TYRO3: variants seen among roughly 807,000 people sequenced by gnomAD.
TYRO3 encodes the protein tyrosine-protein kinase receptor TYRO3.
In TYRO3, 38 loss-of-function variants were observed where a neutral mutation model predicts 95.2. The ratio of observed to expected loss-of-function variants is 0.40; its 90% CI spans 0.31 to 0.52. The LOEUF (loss-of-function observed/expected upper bound fraction) is 0.52, where lower values mean the gene tolerates loss of function less well. Ranked by LOEUF, TYRO3 falls within the 20% of genes least tolerant of loss-of-function variation. The probability of loss-of-function intolerance (pLI) is 0.56; values close to 1 mark genes in which losing one functional copy is unlikely to be tolerated. For missense variants in TYRO3, 812 were observed against 1,116.4 expected (o/e 0.73, Z 3.89); for synonymous variants, 367 against 432.9 (o/e 0.85, Z 1.89).
chr15:41,575,881 G>C, intron 18 of TYRO3, among the ~76,000 whole-genome samples: 1 of 152,020 alleles, frequency 6.6e-6, no homozygotes, highest in South Asian at 2.1e-4. Flanking sequence ...TTGGGAGGCG[G>C]ATCTCCTGAG....
At position 41,578,211 on chromosome 15, in the gene TYRO3, C is replaced by T; in HGVS notation, c.2608C>T (p.Pro870Ser). Reference sequence around the variant, plus strand: ...GCAGGCAGAGCACCAGCCAGAGAGTCCCCTCAATGAGACACAGAGGCTTTT... The same window carrying T: ...GCAGGCAGAGCACCAGCCAGAGAGTTCCCTCAATGAGACACAGAGGCTTTT... ...PGQAEHQPES[P>S]LNETQRLLLL... The change falls in exon 19 of 19, where the codon CCC (proline) becomes TCC (serine). Residue 870 changes from proline to serine, a missense_variant. Physicochemically the swap from Pro to Ser is moderately conservative, Grantham distance 74. Transcript: ENST00000263798. 6.2e-7 allele frequency: 1 copy of T among 1,613,830 alleles called. No homozygotes were observed. The highest frequency in any genetic ancestry group is 8.5e-7 in the Non-Finnish European group (1 of 1,180,038).
At chr15:41,560,583 A>C (rs1181770438) in intron 1 of TYRO3, among the ~76,000 whole-genome samples, 1 of 151,872 alleles carries the variant, frequency 6.6e-6, no homozygotes, top group Non-Finnish European at 1.5e-5. Flanking sequence ...TTCAGGTATT[A>C]ATAGAGTGGA....
rs949210765 is a variant in TYRO3, at chr15:41,572,009, C to A, written c.1753+322C>A. On this transcript the variant is annotated intron_variant, in intron 14 of 18. Transcript: ENST00000263798. ...CCCACCTCTATTTAAAAAAAAAAAA[C>A]AAAACAAAAAACATACACACACACA... Among the ~76,000 whole-genome samples the A allele has an allele frequency of 1.6e-3, 240 of 146,372 alleles. 1 individual carries two copies. The highest frequency in any genetic ancestry group is 4.4e-3 in the African/African-American group (177 of 40,158).
Position 41,570,998 on chromosome 15 carries a change from A to C in TYRO3, c.1580-40A>C, listed in dbSNP as rs144256416. 1.5e-4 allele frequency: 236 copies of C among 1,593,096 alleles called. No individual in the cohort carries two copies. In the African/African-American group the frequency reaches 2.8e-3, roughly 19 times the overall value. ...TGGGAGGAAGGTTGGCAGGGAGCAG[A>C]GAGCCAAGGAGACTCTCCCTTACTT... On this transcript the variant is annotated intron_variant, in intron 12 of 18. Transcript: ENST00000263798.
chr15:41,564,101 C>A, intron 4 of TYRO3, 83 bp from the exon 5 acceptor site: 1 of 1,301,582 alleles, frequency 7.7e-7, no homozygotes, highest in Non-Finnish European at 1.1e-6. Flanking sequence ...ATGTTCAGAC[C>A]AGAGCCTGAG....
At position 41,573,720 on chromosome 15, in the gene TYRO3, G is replaced by C; in HGVS notation, c.2187G>C (p.Gly729=). The part of the protein sequence containing the change: ...GVTMWEIMTR[G]QTPYAGIENA... Reference sequence around the variant, plus strand: ...CCATGTGGGAGATCATGACACGTGGGCAGACGCCATATGCTGGCATCGAAA... The same window carrying C: ...CCATGTGGGAGATCATGACACGTGGCCAGACGCCATATGCTGGCATCGAAA... The change falls in exon 18 of 19, where the codon GGG becomes GGC. Residue 729 remains glycine, a synonymous_variant. Transcript: ENST00000263798. 6.2e-7 allele frequency: 1 copy of C among 1,614,270 alleles called. No homozygotes were observed. The highest frequency in any genetic ancestry group is 8.5e-7 in the Non-Finnish European group (1 of 1,180,056).
At chr15:41,572,412 A>G (rs200445110) in intron 14 of TYRO3, 31 bp from the exon 15 acceptor site, 23 of 1,446,020 alleles carry the variant, frequency 1.6e-5, no homozygotes, top group Non-Finnish European at 2.1e-5. Flanking sequence ...TGACCCTTCT[A>G]TGCTCAGCTC....
chr15:41,567,628 T>C, intron 7 of TYRO3, 91 bp downstream of exon 7: 1 of 1,228,150 alleles, frequency 8.1e-7, no homozygotes. Context: ...CTGGTAGAGA[T>C]GGAGGTTCAG....
Position 41,561,555 on chromosome 15 carries a change from C to T in TYRO3, c.325C>T (p.Arg109Cys), listed in dbSNP as rs1231685578. Reference protein sequence around the residue: ...IGFLSLKSVERSDAGRYWCQV... With the variant: ...IGFLSLKSVECSDAGRYWCQV... ...TTTCCACAGCCTGAAGTCAGTGGAGCGCTCTGACGCCGGCCGGTACTGGTG... is the reference window on the plus strand; with the variant it reads ...TTTCCACAGCCTGAAGTCAGTGGAGTGCTCTGACGCCGGCCGGTACTGGTG... The change falls in exon 3 of 19, where the codon CGC (arginine) becomes TGC (cysteine). Residue 109 changes from arginine (R) to cysteine (C), a missense_variant. Physicochemically the swap from Arg to Cys is radical, Grantham distance 180 (BLOSUM62 -3). Coordinates refer to ENST00000263798, the MANE Select transcript of TYRO3 (RefSeq NM_006293.4). The T allele has an allele frequency of 7.6e-6, 12 of 1,587,840 alleles. No individual in the cohort carries two copies. The highest frequency in any genetic ancestry group is 4.0e-5 in the African/African-American group (3 of 74,322).
At chr15:41,563,709 T>G (rs1458678124) in intron 4 of TYRO3, among the ~76,000 whole-genome samples, 1 of 152,080 alleles carries the variant, frequency 6.6e-6, no homozygotes, top group Non-Finnish European at 1.5e-5. Context: ...GCTAAAGAAC[T>G]GAGTATAACT....
At chr15:41,573,926 C>T in intron 18 of TYRO3, 111 bp downstream of exon 18, 1 of 1,259,494 alleles carries the variant, frequency 7.9e-7, no homozygotes, top group South Asian at 1.4e-5. Context: ...TAGAAACATC[C>T]TTGTAGTTGG....
In TYRO3 at chr15:41,571,252, C is replaced by G. The variant is rs541201495; in HGVS notation, c.1660+134C>G. 2.0e-3 allele frequency: 1,552 copies of G among 795,098 alleles called. 5 individuals carry two copies. The highest frequency in any genetic ancestry group is 0.012 in the Middle Eastern group (39 of 3,176). 49.3% of individuals were successfully genotyped at this position (795,098 alleles called of 1,614,324 possible). On this transcript the variant is annotated intron_variant, in intron 13 of 18. Transcript: ENST00000263798. Reference sequence around the variant, plus strand: ...GCAGCACTAACTGGGATGCTCTTTACCACACGAATAATTCACAAGCATAAA... The same window carrying G: ...GCAGCACTAACTGGGATGCTCTTTAGCACACGAATAATTCACAAGCATAAA...
At chr15:41,559,999 C>G (rs1266496183) in intron 1 of TYRO3, among the ~76,000 whole-genome samples, 1 of 152,210 alleles carries the variant, frequency 6.6e-6, no homozygotes, top group Non-Finnish European at 1.5e-5. Flanking sequence ...CAAGAGCGTT[C>G]CATGCAGCAC....
intron 9 of TYRO3, 88 bp downstream of exon 9, chr15:41,569,110 T>G: frequency 6.9e-7 from 1 of 1,453,368 alleles, no homozygotes; most frequent in Non-Finnish European, 9.4e-7. Flanking sequence ...CCTAGTAGCA[T>G]CTCCCCTCCT....
chr15:41,574,516 A>G lies in TYRO3; in HGVS notation c.2282+701A>G, dbSNP rs1361406971. The G allele has an allele frequency of 1.9e-5, 7 of 370,224 alleles. No individual in the cohort carries two copies. In the East Asian group the frequency reaches 5.3e-4, roughly 28 times the overall value. 22.9% of individuals were successfully genotyped at this position (370,224 alleles called of 1,614,324 possible). On this transcript the variant is annotated intron_variant, in intron 18 of 18. Transcript: ENST00000263798. ...ATCCCCACTTTGTAGATGAGAAAAT[A>G]GGATTAGAGAGATTAAGTAACATGG...
chr15:41,569,359 C>T (rs1289792173), intron 9 of TYRO3, among the ~76,000 whole-genome samples: 1 of 151,372 alleles, frequency 6.6e-6, no homozygotes, highest in Non-Finnish European at 1.5e-5. Context: ...AGCCCAGCTG[C>T]TCCAGAGGCT....
intron 18 of TYRO3, 33 bp downstream of exon 18, chr15:41,573,848 A>G (rs950789543): frequency 2.5e-6 from 4 of 1,607,706 alleles, no homozygotes; most frequent in Non-Finnish European, 3.4e-6. Flanking sequence ...TCTGGAAGGA[A>G]AGGGGAATCT....
At chr15:41,575,236 T>C (rs1410792211) in intron 18 of TYRO3, among the ~76,000 whole-genome samples, 1 of 152,138 alleles carries the variant, frequency 6.6e-6, no homozygotes, top group Non-Finnish European at 1.5e-5. Flanking sequence ...GAGAGGGAAA[T>C]CTTGAGTAGA....
intron 18 of TYRO3, 97 bp from the exon 19 acceptor site, chr15:41,577,789 G>T: frequency 7.6e-7 from 1 of 1,308,724 alleles, no homozygotes. Context: ...CCCCACCAGG[G>T]AATAAAATTT....
Sources: gnomAD v4.1 joint callset for allele counts (sites outside exome capture counted in the v4.1 genomes callset) on GRCh38, gnomAD v4.1.1 for gene constraint, MANE v1.5 for transcripts, NCBI Gene and HGNC (gene_info 2026-07-23, HGNC 2026-07-21) for gene names.